The following GRIA4 variants were observed in gnomAD, a reference collection of about 807,000 sequenced individuals.
GRIA4 encodes the protein glutamate ionotropic receptor AMPA type subunit 4.
A neutral mutation model predicts 104.0 loss-of-function variants in GRIA4; 34 were observed. The ratio of observed to expected loss-of-function variants is 0.33; its 90% CI spans 0.25 to 0.44. GRIA4 has a LOEUF of 0.44. GRIA4 is among the 20% of genes least tolerant of loss of function. The pLI, the probability that GRIA4 is intolerant of heterozygous loss-of-function variation, is 1.00. For synonymous variants in GRIA4, 386 were observed against 381.9 expected, an observed-to-expected ratio of 1.01 and a Z score of -0.13; for missense variants, 750 against 1,096.5, an observed-to-expected ratio of 0.68 and a Z score of 4.46.
intron 2 of GRIA4, 135 bp from the exon 3 acceptor site, chr11:105,612,141 G>A: frequency 1.4e-6 from 1 of 734,056 alleles, no homozygotes; most frequent in African/African-American, 1.8e-5. Context: ...ACAAAGGGCA[G>A]TCTCCCTAGA....
At chr11:105,664,010 T>C (rs1481241878) in intron 3 of GRIA4, among the ~76,000 whole-genome samples, 1 of 150,588 alleles carries the variant, frequency 6.6e-6, no homozygotes, top group Admixed American at 6.7e-5. Context: ...TGCAGGGTTG[T>C]CAGGAAGATC....
intron 4 of GRIA4, among the ~76,000 whole-genome samples, chr11:105,846,855 G>A (rs192758806): frequency 1.2e-3 from 185 of 152,260 alleles, no homozygotes; most frequent in South Asian, 0.012. Flanking sequence ...TCTAAATACT[G>A]TATCTTATTG....
Position 105,896,271 on chromosome 11 carries a change from G to A in GRIA4, c.727-1998G>A, listed in dbSNP as rs529855223. Among the ~76,000 whole-genome samples, 103 of 151,814 alleles carry A rather than the reference G, an allele frequency of 6.8e-4. 2 individuals are homozygous for A. Among genetic ancestry groups the A allele is most frequent in the African/African-American group, 2.3e-3 (95 of 41,430 alleles). On this transcript the variant is annotated intron_variant, in intron 6 of 16. Coordinates refer to ENST00000282499, the MANE Select transcript of GRIA4 (RefSeq NM_000829.4). ...ATGTCCTTTGCTCTTTTTTAAATGG[G>A]GTTATTTGGTTTTTATTTGTTGATT...
chr11:105,923,917 A>C (rs1445863338), intron 11 of GRIA4, among the ~76,000 whole-genome samples: 1 of 152,186 alleles, frequency 6.6e-6, no homozygotes, highest in Non-Finnish European at 1.5e-5. Flanking sequence ...AAAGGAATAA[A>C]AAAGAAAAGA....
chr11:105,673,643 G>C (rs1952444101), intron 3 of GRIA4, among the ~76,000 whole-genome samples: 1 of 151,960 alleles, frequency 6.6e-6, no homozygotes, highest in South Asian at 2.1e-4. Flanking sequence ...TATGAATTAT[G>C]ACAAGGTGGC....
chr11:105,697,200 G>A (rs1349422633), intron 3 of GRIA4, among the ~76,000 whole-genome samples: 2 of 152,240 alleles, frequency 1.3e-5, no homozygotes, highest in South Asian at 2.1e-4. Context: ...GACTGTTTTG[G>A]TGGTATGAGA....
chr11:105,729,721 C>T (rs1421973538), intron 3 of GRIA4, among the ~76,000 whole-genome samples: 2 of 152,110 alleles, frequency 1.3e-5, no homozygotes, highest in Middle Eastern at 3.2e-3. Context: ...AATCAATTAA[C>T]GTAAGCCATC....
rs918907443 is a variant in GRIA4, at chr11:105,981,590, C to CACACACACA, written c.*1852_*1853insCACACACAA. On this transcript the variant is annotated 3_prime_UTR_variant, in exon 17 of 17. Transcript: ENST00000282499. ...ACACACACACACACACACACACACA[C>CACACACACA]AAGTCCCTCAGGAAAAATTCCAAGC... 16 of 153,780 alleles carry CACACACACA rather than the reference C, an allele frequency of 1.0e-4. No homozygotes were observed. The highest frequency in any genetic ancestry group is 3.4e-4 in the African/African-American group (14 of 41,140). The allele number at this position is 153,780 out of a possible 1,614,324, so 9.5% of individuals were successfully genotyped here.
intron 3 of GRIA4, among the ~76,000 whole-genome samples, chr11:105,693,028 AG>A (rs1379587083): frequency 6.6e-6 from 1 of 152,204 alleles, no homozygotes; most frequent in African/African-American, 2.4e-5. Flanking sequence ...GATTTTACTG[AG>A]GGCATTGAAA....
At chr11:105,871,307 T>C (rs1430701595) in intron 5 of GRIA4, among the ~76,000 whole-genome samples, 3 of 152,026 alleles carry the variant, frequency 2.0e-5, no homozygotes, top group Admixed American at 6.6e-5. Flanking sequence ...TTTAATAGTA[T>C]TGCTAGTCAA....
At chr11:105,947,056 T>C (rs990698960) in intron 14 of GRIA4, among the ~76,000 whole-genome samples, 5 of 152,220 alleles carry the variant, frequency 3.3e-5, no homozygotes, top group African/African-American at 9.6e-5. Context: ...ATAGTGGCTA[T>C]GTGATTAGGA....
At chr11:105,776,935 C>A (rs545756051) in intron 4 of GRIA4, among the ~76,000 whole-genome samples, 1 of 152,270 alleles carries the variant, frequency 6.6e-6, no homozygotes, top group East Asian at 1.9e-4. Flanking sequence ...CCAAGATGTT[C>A]TACTACCATG....
intron 3 of GRIA4, among the ~76,000 whole-genome samples, chr11:105,644,123 C>A (rs977585368): frequency 3.9e-5 from 6 of 152,070 alleles, no homozygotes; most frequent in Non-Finnish European, 5.9e-5. Flanking sequence ...TTATTTACTA[C>A]CTGATTTTGA....
At position 105,688,156 on chromosome 11, in the gene GRIA4, CTCTA is replaced by C. The variant is rs201251122; in HGVS notation, c.248-64795_248-64792del. The stretch of plus-strand genomic sequence containing the variant: ...TCTATATCTATATCTATATCTATAT[CTCTA>C]TCTATCTATCTATCTATCTATCTAT... On this transcript the variant is annotated intron_variant, in intron 3 of 16. Transcript: ENST00000282499. 1.4e-3 allele frequency among the ~76,000 whole-genome samples: 100 copies of C among 72,766 alleles called. 1 individual carries two copies. The highest frequency in any genetic ancestry group is 5.5e-3 in the African/African-American group (97 of 17,738). The allele number at this position is 72,766 out of a possible 152,430, so 47.7% of individuals were successfully genotyped here.
intron 2 of GRIA4, among the ~76,000 whole-genome samples, chr11:105,611,297 C>T (rs11226805): frequency 0.43 from 65,636 of 151,884 alleles, 14,622 homozygotes; most frequent in Non-Finnish European, 0.5. Context: ...CCCATGCGTT[C>T]TCAGCCCATA....
At chr11:105,903,225 T>C (rs1946922364) in intron 7 of GRIA4, among the ~76,000 whole-genome samples, 1 of 152,190 alleles carries the variant, frequency 6.6e-6, no homozygotes, top group African/African-American at 2.4e-5. Context: ...CCATTTAGCA[T>C]AGTCACTGAT....
rs561498979 is a variant in GRIA4, at chr11:105,726,334, G to A, written c.248-26647G>A. ...CTCAAAGCCACAGTAGCCAGAGTGC[G>A]TCTCTAGATTCCTCCTCTCTGGGCA... is the stretch of plus-strand genomic sequence containing the variant. On this transcript the variant is annotated intron_variant, in intron 3 of 16. Coordinates refer to ENST00000282499, the MANE Select transcript of GRIA4 (RefSeq NM_000829.4). Among the ~76,000 whole-genome samples the A allele has an allele frequency of 3.2e-3, 491 of 152,252 alleles. 5 individuals carry two copies. Among genetic ancestry groups the A allele is most frequent in the African/African-American group, 0.011 (454 of 41,564 alleles).
intron 10 of GRIA4, chr11:105,912,716 C>A: frequency 1.0e-6 from 1 of 959,030 alleles, no homozygotes; most frequent in Non-Finnish European, 1.2e-6. Flanking sequence ...TTCAGTAATT[C>A]AAAAAGACAT....
At chr11:105,615,638 A>G (rs1353966492) in intron 3 of GRIA4, among the ~76,000 whole-genome samples, 1 of 151,824 alleles carries the variant, frequency 6.6e-6, no homozygotes, top group Non-Finnish European at 1.5e-5. Context: ...AATTTAATAT[A>G]GGCAACTTTC....
Sources: gnomAD v4.1 joint callset for allele counts (sites outside exome capture counted in the v4.1 genomes callset) on GRCh38, gnomAD v4.1.1 for gene constraint, MANE v1.5 for transcripts, NCBI Gene and HGNC (gene_info 2026-07-23, HGNC 2026-07-21) for gene names.